The following ABCA3 variants were observed in gnomAD, a reference collection of about 807,000 sequenced individuals.
ABCA3 encodes the protein phospholipid-transporting ATPase ABCA3.
Under a neutral mutation model 172.8 loss-of-function variants are expected in ABCA3, and 88 were observed. That is an observed-to-expected ratio of 0.51 (90% CI 0.43 to 0.61). ABCA3 has a LOEUF of 0.61. Among genes scored for constraint, ABCA3 ranks in the 20% least tolerant of loss-of-function variants. The probability of loss-of-function intolerance (pLI) is 0.00; values close to 1 mark genes in which losing one functional copy is unlikely to be tolerated. For synonymous variants in ABCA3, 1,066 were observed against 983.8 expected (o/e 1.08, Z -1.56); for missense variants, 2,164 against 2,301.0 (o/e 0.94, Z 1.22).
At chr16:2,335,483 T>C (rs184786876) in intron 1 of ABCA3, among the ~76,000 whole-genome samples, 1 of 152,208 alleles carries the variant, frequency 6.6e-6, no homozygotes, top group African/African-American at 2.4e-5. Context: ...TTGCCCAGGC[T>C]GGTCTCAAAC....
At position 2,292,051 on chromosome 16, in the gene ABCA3, C is replaced by A. The variant is rs536206738; in HGVS notation, c.2513+89G>T. 3.9e-6 allele frequency: 4 copies of A among 1,024,756 alleles called. No homozygotes were observed. The African/African-American group carries it at 4.8e-5, about 12-fold the overall frequency. The allele number at this position is 1,024,756 out of a possible 1,614,324, so 63.5% of individuals were successfully genotyped here. A position where few individuals can be genotyped will look rare whatever the true frequency, so the allele number is the denominator to read the frequency against. On this transcript the variant is annotated intron_variant, in intron 19 of 32. Transcript: ENST00000301732. Reference sequence around the variant, plus strand: ...TCGCACCACTGCACTCCAGCCTGGGCAACTAGAGTGAAACTCCATCTCAAA... The same window carrying A: ...TCGCACCACTGCACTCCAGCCTGGGAAACTAGAGTGAAACTCCATCTCAAA...
At chr16:2,319,010 CAT>C (rs1306293058) in intron 8 of ABCA3, among the ~76,000 whole-genome samples, 4 of 151,688 alleles carry the variant, frequency 2.6e-5, no homozygotes. Context: ...CTCAATGCTG[CAT>C]AGTTTTATGA....
intron 10 of ABCA3, among the ~76,000 whole-genome samples, chr16:2,316,324 GAAAAAAGAAAAGA>G (rs1422985249): frequency 0.028 from 2,186 of 78,544 alleles, 31 homozygotes; most frequent in African/African-American, 0.065. Flanking sequence ...AAAAAAAAAA[GAAAAAAGAAAAGA>G]AAAAAAGAAA....
chr16:2,298,960 C>T lies in ABCA3; in HGVS notation c.1742-420G>A, dbSNP rs554835433. 1.5e-4 allele frequency among the ~76,000 whole-genome samples: 23 copies of T among 152,252 alleles called. No individual in the cohort carries two copies. The South Asian group carries it at 2.9e-3, about 19-fold the overall frequency. On this transcript the variant is annotated intron_variant, in intron 14 of 32. Coordinates refer to ENST00000301732, the MANE Select transcript of ABCA3 (RefSeq NM_001089.3). The stretch of plus-strand genomic sequence containing the variant: ...TTAGCATGGGGTTGAGCTGCTCCTG[C>T]GTGGTGGCCTCTGTTTTCACTGACC...
intron 28 of ABCA3, among the ~76,000 whole-genome samples, chr16:2,280,335 A>G (rs751659198): frequency 1.3e-4 from 20 of 152,190 alleles, no homozygotes; most frequent in Non-Finnish European, 2.8e-4. Context: ...GCCTGTGTCT[A>G]TTGCTTCCAG....
intron 18 of ABCA3, among the ~76,000 whole-genome samples, chr16:2,293,786 C>A (rs1040605133): frequency 6.6e-6 from 1 of 151,470 alleles, no homozygotes. Flanking sequence ...CGTGATCCAC[C>A]CGCTTCGGCC....
chr16:2,283,385 C>T lies in ABCA3; in HGVS notation c.3863-27G>A. 1 of 1,608,330 alleles carries T rather than the reference C, an allele frequency of 6.2e-7. No homozygotes were observed. Among genetic ancestry groups the T allele is most frequent in the South Asian group, 1.1e-5 (1 of 90,804 alleles). ...TGTGGGGCGAGGGAGTCACTGTGCCCCGAGGCCTGGGGCACCCTCCTCCCC... is the reference window on the plus strand; with the variant it reads ...TGTGGGGCGAGGGAGTCACTGTGCCTCGAGGCCTGGGGCACCCTCCTCCCC... On this transcript the variant is annotated intron_variant, in intron 25 of 32. Coordinates refer to ENST00000301732, the MANE Select transcript of ABCA3 (RefSeq NM_001089.3). The surrounding 1 kb of genome is among the most constrained non-coding windows in gnomAD (Gnocchi z 5.4).
intron 8 of ABCA3, among the ~76,000 whole-genome samples, chr16:2,318,519 CTT>C (rs1050906115): frequency 2.8e-5 from 4 of 144,686 alleles, no homozygotes; most frequent in Non-Finnish European, 1.5e-5. Flanking sequence ...TTCTCTTTTT[CTT>C]TTTTTTTTTT....
chr16:2,293,358 C>T (rs1296057959), intron 18 of ABCA3, among the ~76,000 whole-genome samples: 1 of 148,224 alleles, frequency 6.7e-6, no homozygotes, highest in African/African-American at 2.5e-5. Flanking sequence ...CCGTGCCTGG[C>T]CAAAATGCCT....
Position 2,297,292 on chromosome 16 carries a change from G to C in ABCA3, c.2263+37C>G. 1 of 1,603,308 alleles carries C rather than the reference G, an allele frequency of 6.2e-7. No homozygotes were observed. The highest frequency in any genetic ancestry group is 8.5e-7 in the Non-Finnish European group (1 of 1,177,854). ...GCCATTCCCTCAGCACGGCAGCCAGGACACCGACCCTGTCGCGGGCTGGCC... is the reference window on the plus strand; with the variant it reads ...GCCATTCCCTCAGCACGGCAGCCAGCACACCGACCCTGTCGCGGGCTGGCC... On this transcript the variant is annotated intron_variant, in intron 17 of 32. Transcript: ENST00000301732. This position sits in a 1 kb window ranked among gnomAD's most constrained non-coding sequence, Gnocchi z 5.6.
chr16:2,284,868 C>A lies in ABCA3; in HGVS notation c.3614G>T (p.Gly1205Val), dbSNP rs745984993. Residue 1205 changes from glycine (G) to valine (V), a missense_variant, in exon 24 of 33, where the codon GGG (glycine) becomes GTG (valine). Gly to Val is a moderately radical substitution (Grantham distance 109). Around this residue, in one of 3 missense-constraint regions of ABCA3, gnomAD observed 795 missense variants for 881.9 expected, o/e 0.90. Coordinates refer to ENST00000301732, the MANE Select transcript of ABCA3 (RefSeq NM_001089.3). The surrounding 1 kb of genome is among the most constrained non-coding windows in gnomAD (Gnocchi z 5.9). ...LMYLMNFFFL[G>V]AATAYTRLTI... is the part of the protein sequence containing the mutation. ...CAGCCTCGTGTAGGCAGTGGCCGCCCCCAAGAAGAAGAAGTTCATCAGGTA... is the reference window on the plus strand; with the variant it reads ...CAGCCTCGTGTAGGCAGTGGCCGCCACCAAGAAGAAGAAGTTCATCAGGTA... 3 of 1,613,876 alleles carry A rather than the reference C, an allele frequency of 1.9e-6. No individual in the cohort carries two copies. Among genetic ancestry groups the A allele is most frequent in the Non-Finnish European group, 2.5e-6 (3 of 1,179,962 alleles).
chr16:2,280,029 G>A (rs57755538), intron 28 of ABCA3, among the ~76,000 whole-genome samples: 1,706 of 152,340 alleles, frequency 0.011, 34 homozygotes, highest in African/African-American at 0.039. Context: ...GATTATAGGC[G>A]TGAGCCACGC....
chr16:2,319,903 C>A, intron 7 of ABCA3, 63 bp from the exon 8 acceptor site: 1 of 1,603,972 alleles, frequency 6.2e-7, no homozygotes, highest in South Asian at 1.1e-5. Flanking sequence ...GGCAGAGGGC[C>A]ACGTGCATGG....
At chr16:2,291,081 C>T (rs1281106910) in intron 19 of ABCA3, among the ~76,000 whole-genome samples, 3 of 151,032 alleles carry the variant, frequency 2.0e-5, no homozygotes, top group South Asian at 4.4e-4. Context: ...TGGTGGCTCA[C>T]GCCTGTAATC....
chr16:2,289,142 G>A (rs982704558), intron 20 of ABCA3: 4 of 456,634 alleles, frequency 8.8e-6, no homozygotes, highest in Admixed American at 3.7e-5. Context: ...ACCAACCTCC[G>A]TGTCGTTGGC....
rs1402902348 is a variant in ABCA3, at chr16:2,288,203, C to T, written c.2827G>A (p.Ala943Thr). The part of the protein sequence containing the change: ...PLTCVTLALL[A>T]INYSSELFDD... ...AAGAGCTCCGAGGAGTAGTTGATGG[C>T]CAGGAGGGCCAGGGTGACGCAGGTC... is the stretch of plus-strand genomic sequence containing the variant. The change falls in exon 21 of 33, where the codon GCC becomes ACC. Residue 943 changes from alanine to threonine, a missense_variant. Physicochemically the swap from Ala to Thr is moderately conservative, Grantham distance 58. Around this residue, in one of 3 missense-constraint regions of ABCA3, gnomAD observed 1,343 missense variants for 1,369.6 expected, o/e 0.98. Transcript: ENST00000301732. The T allele has an allele frequency of 6.2e-7, 1 of 1,600,428 alleles. No individual in the cohort carries two copies.
chr16:2,299,378 G>C, intron 14 of ABCA3, 25 bp downstream of exon 14: 1 of 1,612,608 alleles, frequency 6.2e-7, no homozygotes, highest in Non-Finnish European at 8.5e-7. Flanking sequence ...GCTGGTGGCA[G>C]GGGCGTGAGG....
intron 1 of ABCA3, among the ~76,000 whole-genome samples, chr16:2,333,468 A>T (rs2141749880): frequency 6.6e-6 from 1 of 152,316 alleles, no homozygotes; most frequent in Non-Finnish European, 1.5e-5. Flanking sequence ...CAACATCCCA[A>T]TATTGACACC....
chr16:2,302,645 T>A (rs950663084), intron 12 of ABCA3, among the ~76,000 whole-genome samples: 1 of 151,976 alleles, frequency 6.6e-6, no homozygotes, highest in South Asian at 2.1e-4. Context: ...TGGCTAATTT[T>A]TTAAATTTTT....
Sources: gnomAD v4.1 joint callset for allele counts (sites outside exome capture counted in the v4.1 genomes callset) on GRCh38, gnomAD v4.1.1 for gene constraint, gnomAD v4.1.1 regional missense constraint, Gnocchi (gnomAD v3.1) non-coding constraint, MANE v1.5 for transcripts, NCBI Gene and HGNC (gene_info 2026-07-23, HGNC 2026-07-21) for gene names.